The following UNC45A variants were observed in gnomAD, a reference collection of about 807,000 sequenced individuals.
UNC45A encodes the protein protein unc-45 homolog A.
Under a neutral mutation model 103.2 loss-of-function variants are expected in UNC45A, and 78 were observed. The observed-to-expected ratio is 0.76, with a 90% CI of 0.63 to 0.91. The LOEUF (loss-of-function observed/expected upper bound fraction) is 0.91, where lower values mean the gene tolerates loss of function less well. Ranked by LOEUF, UNC45A falls within the 40% of genes least tolerant of loss-of-function variation. UNC45A has a pLI of 0.00. For synonymous variants in UNC45A, 495 were observed against 504.6 expected (o/e 0.98, Z 0.25); for missense variants, 1,193 against 1,224.8 (o/e 0.97, Z 0.39).
chr15:90,952,864 A>C (rs2036994124), intron 17 of UNC45A, 65 bp from the exon 18 acceptor site: 1 of 1,474,720 alleles, frequency 6.8e-7, no homozygotes, highest in African/African-American at 1.4e-5. Context: ...TTATAGTTCA[A>C]CATGAGGGTT....
Position 90,953,474 on chromosome 15 carries a change from G to C in UNC45A, c.2593G>C (p.Glu865Gln), listed in dbSNP as rs1160651681. ...RIPQVTTHWL[E>Q]ILQALLLSSN... ...TTTCTCACAGACCACACACTGGCTG[G>C]AGATCCTGCAGGCCCTGCTTCTGAG... The change falls in exon 20 of 20, where the codon GAG becomes CAG. Residue 865 changes from glutamate to glutamine, a missense_variant. Physicochemically the swap from Glu to Gln is conservative, Grantham distance 29. Transcript: ENST00000418476. 1 of 1,613,720 alleles carries C rather than the reference G, an allele frequency of 6.2e-7. No homozygotes were observed. Among genetic ancestry groups the C allele is most frequent in the African/African-American group, 1.3e-5 (1 of 74,924 alleles).
At chr15:90,935,897 C>T (rs2035990069) in intron 2 of UNC45A, 49 bp from the exon 3 acceptor site, 2 of 1,612,830 alleles carry the variant, frequency 1.2e-6, no homozygotes, top group Admixed American at 3.3e-5. Flanking sequence ...TGGTTAGTGC[C>T]CCGAGAGGGA....
upstream of UNC45A, chr15:90,933,566 C>T (rs908508769): frequency 2.0e-5 from 3 of 152,308 alleles, no homozygotes; most frequent in African/African-American, 7.3e-5. Flanking sequence ...AGGAGTCACC[C>T]TTGGTTTTCA....
At position 90,939,153 on chromosome 15, in the gene UNC45A, G is replaced by A. The variant is rs533926531; in HGVS notation, c.427-578G>A. Among the ~76,000 whole-genome samples the A allele has an allele frequency of 4.5e-4, 67 of 149,922 alleles. 1 individual carries two copies. The highest frequency in any genetic ancestry group is 8.5e-4 in the South Asian group (4 of 4,724). On this transcript the variant is annotated intron_variant, in intron 4 of 19. Coordinates refer to ENST00000418476, the MANE Select transcript of UNC45A (RefSeq NM_018671.5). ...TGCCACCACGCCCGGCTAATTTTTT[G>A]TATTTTTAGTAGAGATGGGGTTTCA...
At chr15:90,943,181 T>TGACA in intron 8 of UNC45A, 99 bp downstream of exon 8, 1 of 1,403,372 alleles carries the variant, frequency 7.1e-7, no homozygotes, top group African/African-American at 1.4e-5. Context: ...GCATGGTGGA[T>TGACA]GACACACTTT....
At chr15:90,948,111 G>A (rs1356454418) in intron 11 of UNC45A, 31 bp from the exon 12 acceptor site, 10 of 1,612,592 alleles carry the variant, frequency 6.2e-6, no homozygotes, top group Non-Finnish European at 8.5e-6. Context: ...CCCCAATCCT[G>A]AGGGTCGTCC....
chr15:90,952,829 C>T (rs2036991246), intron 17 of UNC45A, 100 bp from the exon 18 acceptor site: 1 of 1,114,238 alleles, frequency 9.0e-7, no homozygotes. Context: ...CACCTCCCAC[C>T]AGGCCCTACC....
chr15:90,949,611 A>G (rs759217136), intron 14 of UNC45A, 43 bp from the exon 15 acceptor site: 6 of 1,611,950 alleles, frequency 3.7e-6, no homozygotes, highest in Non-Finnish European at 5.1e-6. Context: ...TCTGCCTGCC[A>G]GAGTCCCAGA....
intron 11 of UNC45A, 59 bp from the exon 12 acceptor site, chr15:90,948,083 T>C: frequency 6.2e-7 from 1 of 1,603,120 alleles, no homozygotes; most frequent in Non-Finnish European, 8.5e-7. Context: ...CCCTTGGCCT[T>C]GGTGTACCCC....
At chr15:90,936,939 G>A (rs2036052309) in intron 4 of UNC45A, among the ~76,000 whole-genome samples, 1 of 152,188 alleles carries the variant, frequency 6.6e-6, no homozygotes, top group Admixed American at 6.5e-5. Flanking sequence ...CAGCCATAGA[G>A]GAATGGCTGA....
chr15:90,935,057 A>G (rs1231974376), upstream of UNC45A: 6 of 573,074 alleles, frequency 1.0e-5, no homozygotes, highest in Middle Eastern at 4.6e-4. Context: ...GGCTGGAGCC[A>G]CCGCAGGCCT....
chr15:90,930,845 C>A (rs950771699), upstream of UNC45A: 34 of 208,750 alleles, frequency 1.6e-4, no homozygotes, highest in Admixed American at 1.6e-3. Context: ...CCGGGACACA[C>A]AATTAGTCCT....
intron 2 of UNC45A, 70 bp from the exon 3 acceptor site, chr15:90,935,876 C>T (rs1449814846): frequency 6.2e-7 from 1 of 1,608,114 alleles, no homozygotes; most frequent in African/African-American, 1.3e-5. Flanking sequence ...AGCGAGAGTA[C>T]CCCTGCTGCC....
At chr15:90,935,121 G>GGTGC (rs1370308962), upstream of UNC45A, 3 of 610,086 alleles carry the variant, frequency 4.9e-6, no homozygotes, top group Non-Finnish European at 5.8e-6. Flanking sequence ...GGACAGCTTA[G>GGTGC]GTGCGCCCGG....
At chr15:90,941,931 C>T (rs950560911) in intron 6 of UNC45A, among the ~76,000 whole-genome samples, 3 of 149,340 alleles carry the variant, frequency 2.0e-5, no homozygotes, top group Admixed American at 6.7e-5. Context: ...TGCACTCCAG[C>T]CTGGGCGACA....
At position 90,946,675 on chromosome 15, in the gene UNC45A, C is replaced by G; in HGVS notation, c.1261C>G (p.Leu421Val). 6.2e-7 allele frequency: 1 copy of G among 1,612,416 alleles called. No individual in the cohort carries two copies. Among genetic ancestry groups the G allele is most frequent in the Non-Finnish European group, 8.5e-7 (1 of 1,179,978 alleles). ...ACGGGCCATCCAGACGGTGTCCTGCCTCCTGCAGGGCCCATGTGACGCTGG... is the reference window on the plus strand; with the variant it reads ...ACGGGCCATCCAGACGGTGTCCTGCGTCCTGCAGGGCCCATGTGACGCTGG... ...KLRAIQTVSC[L>V]LQGPCDAGNR... Residue 421 changes from leucine (L) to valine (V), a missense_variant, in exon 10 of 20, where the codon CTC becomes GTC. Coordinates refer to ENST00000418476, the MANE Select transcript of UNC45A (RefSeq NM_018671.5).
rs377418398 is a variant in UNC45A, at chr15:90,948,730, C to T, written c.1814C>T (p.Pro605Leu). 3.1e-6 allele frequency: 5 copies of T among 1,613,966 alleles called. No homozygotes were observed. Among genetic ancestry groups the T allele is most frequent in the African/African-American group, 2.7e-5 (2 of 75,024 alleles). ...ACCAACAGCTATGACTACGAGGAGC[C>T]CGACCCCAAGATGGTGGAGCTGGCC... ...NCTNSYDYEE[P>L]DPKMVELAKY... The change falls in exon 13 of 20, where the codon CCC becomes CTC. Residue 605 changes from proline (P) to leucine (L), a missense_variant. By Grantham distance (98) the Pro-to-Leu change is moderately conservative. Transcript: ENST00000418476.
intron 17 of UNC45A, chr15:90,952,096 G>A (rs1198885520): frequency 6.6e-6 from 1 of 152,276 alleles, no homozygotes; most frequent in Non-Finnish European, 1.5e-5. Flanking sequence ...AGGGTCCTTG[G>A]ACATTGCCAA....
chr15:90,943,057 C>T lies in UNC45A; in HGVS notation c.1002C>T (p.Ser334=). 6.2e-7 allele frequency: 1 copy of T among 1,613,772 alleles called. No individual in the cohort carries two copies. The highest frequency in any genetic ancestry group is 8.5e-7 in the Non-Finnish European group (1 of 1,179,812). Residue 334 remains serine, a synonymous_variant, in exon 8 of 20, where the codon AGC becomes AGT. Transcript: ENST00000418476. ...AGTCTCTCAAGGACCCCAACAACAG[C>T]CTCACCCTCTGGGTCATCGACCAAG... is the stretch of plus-strand genomic sequence containing the variant. ...PRKSLKDPNN[S]LTLWVIDQGL... is the part of the protein sequence containing the mutation.
Sources: allele counts gnomAD v4.1 joint callset (sites outside exome capture counted in the v4.1 genomes callset), GRCh38; gene constraint gnomAD v4.1.1; transcripts MANE v1.5; gene names NCBI Gene and HGNC (gene_info 2026-07-23, HGNC 2026-07-21).